PTPRM: variants seen among roughly 807,000 people sequenced by gnomAD.
The protein encoded by PTPRM is protein tyrosine phosphatase receptor type M.
A neutral mutation model predicts 186.7 loss-of-function variants in PTPRM; 47 were observed. The ratio of observed to expected loss-of-function variants is 0.25; its 90% CI spans 0.20 to 0.32. PTPRM has a LOEUF of 0.32. PTPRM is among the 10% of genes least tolerant of loss of function. The pLI, the probability that PTPRM is intolerant of heterozygous loss-of-function variation, is 1.00. For synonymous variants in PTPRM, 668 were observed against 674.9 expected (o/e 0.99, Z 0.16); for missense variants, 1,494 against 1,865.0 (o/e 0.80, Z 3.66).
chr18:7,587,419 C>A (rs1358599070), intron 1 of PTPRM, among the ~76,000 whole-genome samples: 2 of 151,750 alleles, frequency 1.3e-5, no homozygotes, highest in African/African-American at 4.8e-5. Context: ...ACATCATTAT[C>A]TAGTATCAGT....
At chr18:8,015,219 T>C (rs1198683892) in intron 7 of PTPRM, among the ~76,000 whole-genome samples, 1 of 152,098 alleles carries the variant, frequency 6.6e-6, no homozygotes. Flanking sequence ...TGAGACAAAA[T>C]GAAACAAAAT....
At chr18:8,120,000 T>C (rs912467533) in intron 13 of PTPRM, among the ~76,000 whole-genome samples, 2 of 152,186 alleles carry the variant, frequency 1.3e-5, no homozygotes, top group African/African-American at 2.4e-5. Flanking sequence ...TTTATTGATA[T>C]TTTAAGTTAG....
chr18:8,126,022 TATATA>T (rs1330594186), intron 13 of PTPRM, among the ~76,000 whole-genome samples: 6 of 38,046 alleles, frequency 1.6e-4, no homozygotes, highest in East Asian at 2.5e-3. Context: ...TATATATATA[TATATA>T]TTTTAAATCA....
chr18:8,179,203 A>T (rs2093535985), intron 14 of PTPRM, among the ~76,000 whole-genome samples: 1 of 152,252 alleles, frequency 6.6e-6, no homozygotes, highest in Admixed American at 6.5e-5. Flanking sequence ...TTATGCAAAT[A>T]ATGTAAGTTA....
intron 5 of PTPRM, among the ~76,000 whole-genome samples, chr18:7,947,212 G>T (rs548080254): frequency 1.6e-4 from 24 of 152,262 alleles, no homozygotes; most frequent in Non-Finnish European, 4.4e-5. Flanking sequence ...GCTTGGGCGG[G>T]GCTGCATGGT....
intron 7 of PTPRM, chr18:8,018,077 G>A (rs2084986860): frequency 6.6e-6 from 1 of 152,304 alleles, no homozygotes; most frequent in African/African-American, 2.4e-5. Context: ...TGGTCTTTTT[G>A]CCAAGCCTTG....
rs1440387848 is a variant in PTPRM, at chr18:8,076,532, A to T, written c.1519A>T (p.Thr507Ser). The part of the protein sequence containing the change: ...EKIFLQWREP[T>S]QTYGVITLYE... ...GATATTTCTTCAGTGGAGAGAACCA[A>T]CTCAAACATATGGTGTAATCACTTT... is the stretch of plus-strand genomic sequence containing the variant. Residue 507 changes from threonine to serine, a missense_variant, in exon 9 of 33, where the codon ACT becomes TCT. Coordinates refer to ENST00000580170, the MANE Select transcript of PTPRM (RefSeq NM_001105244.2). 1 of 1,600,298 alleles carries T rather than the reference A, an allele frequency of 6.2e-7. No homozygotes were observed. The highest frequency in any genetic ancestry group is 1.3e-5 in the African/African-American group (1 of 74,574).
At chr18:8,248,071 G>A (rs2094494471) in intron 16 of PTPRM, 79 bp from the exon 17 acceptor site, 1 of 1,398,978 alleles carries the variant, frequency 7.1e-7, no homozygotes, top group Non-Finnish European at 1.0e-6. Context: ...GCAGAAAATA[G>A]GGGTGGGCAT....
At chr18:7,869,238 G>T (rs544331754) in intron 2 of PTPRM, among the ~76,000 whole-genome samples, 16 of 152,230 alleles carry the variant, frequency 1.1e-4, no homozygotes, top group African/African-American at 3.9e-4. Flanking sequence ...AGGTGCCACT[G>T]GGGTATGAAA....
chr18:8,280,218 A>C (rs756134725), intron 19 of PTPRM, among the ~76,000 whole-genome samples: 1 of 152,074 alleles, frequency 6.6e-6, no homozygotes, highest in Non-Finnish European at 1.5e-5. Context: ...TTCTGCACGC[A>C]TGCCCCAGGG....
intron 23 of PTPRM, among the ~76,000 whole-genome samples, chr18:8,344,446 GTGTATATA>G (rs1340210254): frequency 2.4e-4 from 4 of 16,588 alleles, no homozygotes; most frequent in African/African-American, 3.4e-4. Context: ...GTGTGTGTGT[GTGTATATA>G]TATATATATA....
At chr18:8,054,849 G>A (rs2087802825) in intron 7 of PTPRM, among the ~76,000 whole-genome samples, 1 of 151,986 alleles carries the variant, frequency 6.6e-6, no homozygotes, top group South Asian at 2.1e-4. Context: ...ACAATTCTTT[G>A]AAATTAGCTT....
rs1481337825 is a variant in PTPRM, at chr18:8,035,969, GTATCTT to G, written c.1133-33716_1133-33711del. On this transcript the variant is annotated intron_variant, in intron 7 of 32. Coordinates refer to ENST00000580170, the MANE Select transcript of PTPRM (RefSeq NM_001105244.2). ...TATGCCTCAGTGTATATCTTACTGAGTATCTTAGAGCACCTATGCCTCAGTAAGAAT... is the reference window on the plus strand; with the variant it reads ...TATGCCTCAGTGTATATCTTACTGAGAGAGCACCTATGCCTCAGTAAGAAT... 1.4e-4 allele frequency among the ~76,000 whole-genome samples: 21 copies of G among 152,150 alleles called. No homozygotes were observed. The South Asian group carries it at 3.9e-3, about 29-fold the overall frequency.
Position 8,340,025 on chromosome 18 carries a change from G to A in PTPRM, c.2957-3398G>A, listed in dbSNP as rs544040547. Among the ~76,000 whole-genome samples, 363 of 152,106 alleles carry A rather than the reference G, an allele frequency of 2.4e-3. 1 individual carries two copies. The highest frequency in any genetic ancestry group is 8.2e-3 in the African/African-American group (339 of 41,520). On this transcript the variant is annotated intron_variant, in intron 22 of 32. Transcript: ENST00000580170. ...AAAAACAGGATTTGAATGAACATTTGGAAAAATGCCTGGAATCATCAGCCA... is the reference window on the plus strand; with the variant it reads ...AAAAACAGGATTTGAATGAACATTTAGAAAAATGCCTGGAATCATCAGCCA...
chr18:8,233,490 A>G (rs1329893051), intron 14 of PTPRM, among the ~76,000 whole-genome samples: 2 of 152,114 alleles, frequency 1.3e-5, no homozygotes, highest in African/African-American at 2.4e-5. Context: ...TCTCTGGCCC[A>G]TTTTTTAATC....
intron 20 of PTPRM, 102 bp from the exon 21 acceptor site, chr18:8,314,679 T>C (rs111743190): frequency 1.4e-6 from 1 of 701,576 alleles, no homozygotes. Flanking sequence ...AAGCAGAGTG[T>C]CTGTGGGTGA....
At chr18:7,582,813 T>G (rs2036880646) in intron 1 of PTPRM, among the ~76,000 whole-genome samples, 1 of 152,242 alleles carries the variant, frequency 6.6e-6, no homozygotes, top group African/African-American at 2.4e-5. Flanking sequence ...GGTGGCATTC[T>G]CATTCATGGG....
In PTPRM at chr18:8,129,032, G is replaced by T. The variant is rs567929294; in HGVS notation, c.2167+14205G>T. Among the ~76,000 whole-genome samples, 260 of 152,016 alleles carry T rather than the reference G, an allele frequency of 1.7e-3. 1 individual carries two copies. Among genetic ancestry groups the T allele is most frequent in the African/African-American group, 5.8e-3 (242 of 41,488 alleles). ...TAACTTTTAATTTTGACGTTAATTT[G>T]GTGTATTACGCATATCCAAAAAGAA... is the stretch of plus-strand genomic sequence containing the variant. On this transcript the variant is annotated intron_variant, in intron 13 of 32. Coordinates refer to ENST00000580170, the MANE Select transcript of PTPRM (RefSeq NM_001105244.2).
chr18:7,993,463 A>G (rs888266504), intron 7 of PTPRM, among the ~76,000 whole-genome samples: 7 of 152,132 alleles, frequency 4.6e-5, no homozygotes, highest in Admixed American at 2.0e-4. Context: ...AGAATTCTAA[A>G]CAATAGAAAG....
Sources: gnomAD v4.1 joint callset for allele counts (sites outside exome capture counted in the v4.1 genomes callset) on GRCh38, gnomAD v4.1.1 for gene constraint, MANE v1.5 for transcripts, NCBI Gene and HGNC (gene_info 2026-07-23, HGNC 2026-07-21) for gene names.